The following MYO7B variants were observed in gnomAD, a reference collection of about 807,000 sequenced individuals.
MYO7B encodes unconventional myosin-VIIb.
Under a neutral mutation model 259.7 loss-of-function variants are expected in MYO7B, and 212 were observed. The ratio of observed to expected loss-of-function variants is 0.82; its 90% CI spans 0.73 to 0.91. The LOEUF is 0.91. Ranked by LOEUF, MYO7B falls within the 40% of genes least tolerant of loss-of-function variation. The pLI is 0.00. For synonymous variants in MYO7B, 1,197 were observed against 1,166.4 expected (o/e 1.03, Z -0.54); for missense variants, 2,732 against 2,813.5 (o/e 0.97, Z 0.66).
intron 1 of MYO7B, among the ~76,000 whole-genome samples, chr2:127,541,741 A>G (rs1410071136): frequency 6.6e-6 from 1 of 152,134 alleles, no homozygotes; most frequent in Non-Finnish European, 1.5e-5. Context: ...CCAGCCCCAT[A>G]TTTCCCCTCT....
At chr2:127,635,298 A>G in intron 43 of MYO7B, 72 bp downstream of exon 43, 2 of 1,436,526 alleles carry the variant, frequency 1.4e-6, no homozygotes, top group Non-Finnish European at 1.9e-6. Context: ...AGGCTGTAGA[A>G]GCCAGCAGGC....
chr2:127,603,203 A>T (rs1051772112), intron 19 of MYO7B, among the ~76,000 whole-genome samples: 4 of 152,140 alleles, frequency 2.6e-5, no homozygotes, highest in African/African-American at 9.7e-5. Context: ...GTTAATGTTG[A>T]TATTTTGACC....
At chr2:127,563,808 A>G (rs1678205703) in intron 2 of MYO7B, among the ~76,000 whole-genome samples, 1 of 152,184 alleles carries the variant, frequency 6.6e-6, no homozygotes, top group Non-Finnish European at 1.5e-5. Flanking sequence ...CAAGCTTGAG[A>G]AGCACTTTCT....
intron 12 of MYO7B, among the ~76,000 whole-genome samples, chr2:127,583,425 C>T (rs1303730945): frequency 6.6e-6 from 1 of 152,150 alleles, no homozygotes; most frequent in East Asian, 1.9e-4. Flanking sequence ...GCTGGCAGAA[C>T]TTAGCCCAAT....
rs990319737 is a variant in MYO7B, at chr2:127,584,216, G to A, written c.1438G>A (p.Glu480Lys). Residue 480 changes from glutamate (E) to lysine (K), a missense_variant, in exon 13 of 48, where the codon GAG becomes AAG. By Grantham distance (56) the Glu-to-Lys change is moderately conservative. This residue lies in a region of MYO7B where 1,906 missense variants were observed against 2,026.4 expected (regional missense o/e 0.94). Transcript: ENST00000409816. The surrounding 1 kb of genome is among the most constrained non-coding windows in gnomAD (Gnocchi z 5.8). ...CATGGAGCAAGAGGAGTACCGCTCG[G>A]AGAACATCTCCTGGGACTATATCCA... The part of the protein sequence containing the change: ...FTMEQEEYRS[E>K]NISWDYIHYT... The A allele has an allele frequency of 3.7e-6, 6 of 1,613,888 alleles. No homozygotes were observed. In the African/African-American group the frequency reaches 8.0e-5, roughly 22 times the overall value.
rs200731168 is a variant in MYO7B, at chr2:127,620,390, C to A, written c.3449C>A (p.Thr1150Lys). 4,179 of 1,612,002 alleles carry A rather than the reference C, an allele frequency of 2.6e-3. 5 individuals carry two copies. Among genetic ancestry groups the A allele is most frequent in the Non-Finnish European group, 3.3e-3 (3,871 of 1,178,474 alleles). The change falls in exon 27 of 48, where the codon ACA becomes AAA. Residue 1150 changes from threonine to lysine, a missense_variant. Transcript: ENST00000409816. ...ICKQLSENFKTSSLARGWILL... is the reference protein window; with the variant it reads ...ICKQLSENFKKSSLARGWILL... ...AAGCAGCTCTCGGAGAACTTCAAAA[C>A]AAGCAGCCTGGCCCGGGGCTGGATC... is the stretch of plus-strand genomic sequence containing the variant.
chr2:127,543,754 T>TATATA (rs199836485), intron 1 of MYO7B, among the ~76,000 whole-genome samples: 15 of 148,680 alleles, frequency 1.0e-4, no homozygotes, highest in African/African-American at 3.2e-4. Flanking sequence ...ATATATATAT[T>TATATA]TTTTTTTTGA....
intron 8 of MYO7B, 131 bp from the exon 9 acceptor site, chr2:127,578,002 G>T: frequency 9.6e-7 from 1 of 1,037,330 alleles, no homozygotes; most frequent in Non-Finnish European, 1.4e-6. Context: ...CCTCTGAAAA[G>T]AGTTTTTGAG....
At chr2:127,616,708 G>A (rs915359022) in intron 26 of MYO7B, among the ~76,000 whole-genome samples, 1 of 152,256 alleles carries the variant, frequency 6.6e-6, no homozygotes, top group African/African-American at 2.4e-5. Context: ...TTCCTGGAGA[G>A]AGGGAATTAA....
chr2:127,633,593 G>A (rs1573728301), intron 40 of MYO7B, among the ~76,000 whole-genome samples: 1 of 152,328 alleles, frequency 6.6e-6, no homozygotes, highest in South Asian at 2.1e-4. Flanking sequence ...CCAGGCCCAG[G>A]ACACAGGAGA....
chr2:127,625,266 CT>C, intron 30 of MYO7B, 101 bp from the exon 31 acceptor site: 1 of 1,347,590 alleles, frequency 7.4e-7, no homozygotes. Context: ...GTTAGCTCCC[CT>C]GTGATGGGGC....
chr2:127,579,006 A>C (rs1167769749), intron 9 of MYO7B, among the ~76,000 whole-genome samples: 1 of 149,660 alleles, frequency 6.7e-6, no homozygotes, highest in Admixed American at 6.7e-5. Flanking sequence ...TCTAAAATTA[A>C]AAAAAAAAAT....
chr2:127,580,608 T>C, intron 9 of MYO7B, 138 bp from the exon 10 acceptor site: 1 of 781,976 alleles, frequency 1.3e-6, no homozygotes, highest in East Asian at 2.7e-5. Context: ...GAGAGGACAC[T>C]GGGAGAGACC....
In MYO7B at chr2:127,624,241, G is replaced by A. The variant is rs771230657; in HGVS notation, c.3968G>A (p.Arg1323Gln). 5.0e-6 allele frequency: 8 copies of A among 1,596,800 alleles called. No individual in the cohort carries two copies. The highest frequency in any genetic ancestry group is 2.3e-5 in the South Asian group (2 of 87,618). ...KEFFTPWHDS[R>Q]EDPVSTELIY... ...TTCTTCACCCCCTGGCACGACTCCC[G>A]GGAGGACCCTGTCAGCACCGAGCTT... Residue 1323 changes from arginine (R) to glutamine (Q), a missense_variant, in exon 30 of 48, where the codon CGG (arginine) becomes CAG (glutamine). Transcript: ENST00000409816.
rs201936312 is a variant in MYO7B, at chr2:127,580,793, G to A, written c.1051G>A (p.Ala351Thr). Residue 351 changes from alanine to threonine, a missense_variant, in exon 10 of 48, where the codon GCC becomes ACC. By Grantham distance (58) the Ala-to-Thr change is moderately conservative. This residue lies in a region of MYO7B where 1,906 missense variants were observed against 2,026.4 expected (regional missense o/e 0.94). Transcript: ENST00000409816. ...CGCCTCAGACGTGATGGAGACGCCC[G>A]CCTTTCCCACCGTGATGAAGTTACT... Reference protein sequence around the residue: ...LDASDVMETPAFPTVMKLLEV... With the variant: ...LDASDVMETPTFPTVMKLLEV... 81 of 1,613,316 alleles carry A rather than the reference G, an allele frequency of 5.0e-5. No individual in the cohort carries two copies. The highest frequency in any genetic ancestry group is 3.1e-5 in the Non-Finnish European group (36 of 1,179,706).
At chr2:127,562,417 C>T (rs1225723538) in intron 2 of MYO7B, among the ~76,000 whole-genome samples, 2 of 151,858 alleles carry the variant, frequency 1.3e-5, no homozygotes, top group Non-Finnish European at 2.9e-5. Context: ...CTGCATCAGC[C>T]TCCTGATTAG....
chr2:127,590,364 C>A lies in MYO7B; in HGVS notation c.1992+135C>A. The A allele has an allele frequency of 7.8e-7, 1 of 1,288,564 alleles. No individual in the cohort carries two copies. The highest frequency in any genetic ancestry group is 1.1e-6 in the Non-Finnish European group (1 of 940,122). 79.8% of individuals were successfully genotyped at this position (1,288,564 alleles called of 1,614,324 possible). ...ACTGCCCCTACCTTACAGATAAGTA[C>A]ACTGGGGTAAGGTGACCAGACTAGG... On this transcript the variant is annotated intron_variant, in intron 16 of 47. Transcript: ENST00000409816. This position sits in a 1 kb window ranked among gnomAD's most constrained non-coding sequence, Gnocchi z 4.6.
intron 6 of MYO7B, among the ~76,000 whole-genome samples, chr2:127,572,314 G>T (rs1198025321): frequency 6.6e-6 from 1 of 151,510 alleles, no homozygotes; most frequent in African/African-American, 2.4e-5. Flanking sequence ...ATCTACTCGG[G>T]ATGCTGTGGC....
In MYO7B at chr2:127,565,393, T is replaced by C. The variant is rs184041218; in HGVS notation, c.285+8T>C. ...CAGCAGCACAAGATCTATGTGAGTC[T>C]CCCCAGCCCTGTGTCCACAGGGGAG... On this transcript the variant is annotated splice_region_variant and intron_variant, in intron 4 of 47. Transcript: ENST00000409816. The C allele has an allele frequency of 4.3e-6, 7 of 1,613,690 alleles. No individual in the cohort carries two copies. In the East Asian group the frequency reaches 1.6e-4, roughly 36 times the overall value.
Sources: allele counts gnomAD v4.1 joint callset (sites outside exome capture counted in the v4.1 genomes callset), GRCh38; gene constraint gnomAD v4.1.1; regional missense constraint gnomAD v4.1.1; non-coding constraint Gnocchi (gnomAD v3.1); transcripts MANE v1.5; gene names NCBI Gene and HGNC (gene_info 2026-07-23, HGNC 2026-07-21).